LOC128092253: variants seen among roughly 807,000 people sequenced by gnomAD.
At chr6:133,974,795 A>G in the LOC128092253 span, among the ~76,000 whole-genome samples, 1 of 152,244 alleles carries the variant, frequency 6.6e-6, no homozygotes. Context: ...ATATTTGCCA[A>G]TATAAGTAAG....
chr6:133,954,364 A>T, the LOC128092253 span, among the ~76,000 whole-genome samples: 1 of 152,022 alleles, frequency 6.6e-6, no homozygotes, highest in African/African-American at 2.4e-5. Flanking sequence ...CTGGGAAAAT[A>T]TAAAAAGAGA....
the LOC128092253 span, among the ~76,000 whole-genome samples, chr6:133,971,678 T>C: frequency 1.3e-5 from 2 of 152,186 alleles, no homozygotes; most frequent in African/African-American, 4.8e-5. Flanking sequence ...ATTTTCCTTA[T>C]GATACGTGAT....
At chr6:133,957,280 G>A in the LOC128092253 span, among the ~76,000 whole-genome samples, 1 of 152,196 alleles carries the variant, frequency 6.6e-6, no homozygotes, top group Non-Finnish European at 1.5e-5. Flanking sequence ...CAGAAGTTTG[G>A]CTGTTGGTTA....
At chr6:133,980,076 T>G in the LOC128092253 span, 3 of 1,403,858 alleles carry the variant, frequency 2.1e-6, no homozygotes, top group Non-Finnish European at 2.8e-6. Flanking sequence ...TTGTTTTATT[T>G]CTCAGGATGT....
At chr6:133,964,331 A>G in the LOC128092253 span, among the ~76,000 whole-genome samples, 4 of 152,138 alleles carry the variant, frequency 2.6e-5, no homozygotes, top group African/African-American at 4.8e-5. Flanking sequence ...TGGTGCTTAC[A>G]TGTGGAAAGA....
the LOC128092253 span, among the ~76,000 whole-genome samples, chr6:133,966,960 T>G: frequency 0.42 from 63,583 of 152,108 alleles, 15,273 homozygotes; most frequent in Non-Finnish European, 0.57. Context: ...AGTTCTTGCT[T>G]CTTTTTTAGC....
At chr6:133,960,193 G>A in the LOC128092253 span, among the ~76,000 whole-genome samples, 1 of 152,154 alleles carries the variant, frequency 6.6e-6, no homozygotes, top group African/African-American at 2.4e-5. Flanking sequence ...TGGTTGCAGG[G>A]ATCACAGACA....
the LOC128092253 span, among the ~76,000 whole-genome samples, chr6:133,954,666 A>G: frequency 1.3e-5 from 2 of 152,232 alleles, no homozygotes; most frequent in African/African-American, 4.8e-5. Flanking sequence ...AAGATTAAAG[A>G]TGAAAATAAA....
At chr6:133,971,879 T>C in the LOC128092253 span, among the ~76,000 whole-genome samples, 1 of 152,200 alleles carries the variant, frequency 6.6e-6, no homozygotes, top group African/African-American at 2.4e-5. Flanking sequence ...GTTCTGTGGG[T>C]TGGCTTTTCA....
chr6:133,968,264 T>C, the LOC128092253 span, among the ~76,000 whole-genome samples: 5 of 152,172 alleles, frequency 3.3e-5, no homozygotes, highest in African/African-American at 9.7e-5. Context: ...ATTTCTTATA[T>C]AATCAGAAAA....
the LOC128092253 span, among the ~76,000 whole-genome samples, chr6:133,955,898 A>G: frequency 6.6e-6 from 1 of 152,238 alleles, no homozygotes; most frequent in Non-Finnish European, 1.5e-5. Context: ...GAAAATTGTC[A>G]CATCAGCATT....
chr6:133,956,806 GAT>G, the LOC128092253 span, among the ~76,000 whole-genome samples: 2 of 152,168 alleles, frequency 1.3e-5, no homozygotes, highest in African/African-American at 2.4e-5. Context: ...AAACAATAAA[GAT>G]AATGGTGGAC....
the LOC128092253 span, among the ~76,000 whole-genome samples, chr6:133,977,214 A>G: frequency 6.6e-6 from 1 of 152,236 alleles, no homozygotes; most frequent in East Asian, 1.9e-4. Context: ...GACTTTTTAT[A>G]TTGCATCTTT....
the LOC128092253 span, among the ~76,000 whole-genome samples, chr6:133,969,619 G>T: frequency 3.3e-5 from 5 of 152,018 alleles, no homozygotes; most frequent in African/African-American, 1.2e-4. Flanking sequence ...GTTTTTTATG[G>T]CCAGGCAAAC....
chr6:133,978,692 A>T, the LOC128092253 span, among the ~76,000 whole-genome samples: 83 of 152,200 alleles, frequency 5.5e-4, no homozygotes, highest in Admixed American at 1.1e-3. Flanking sequence ...CAATTGATAC[A>T]CAGAATTGAA....
the LOC128092253 span, among the ~76,000 whole-genome samples, chr6:133,962,763 G>A: frequency 1.3e-5 from 2 of 152,104 alleles, no homozygotes; most frequent in Admixed American, 6.6e-5. Context: ...AAACCTATTG[G>A]TAATATGAAA....
At chr6:133,975,101 T>C in the LOC128092253 span, among the ~76,000 whole-genome samples, 1 of 152,028 alleles carries the variant, frequency 6.6e-6, no homozygotes, top group Non-Finnish European at 1.5e-5. Flanking sequence ...ACAATGGACA[T>C]GGGCAAAAAA....
the LOC128092253 span, among the ~76,000 whole-genome samples, chr6:133,966,287 A>G: frequency 5.9e-5 from 9 of 152,182 alleles, no homozygotes; most frequent in Non-Finnish European, 1.5e-5. Flanking sequence ...TTGTCTACCA[A>G]GGAGACTATA....
the LOC128092253 span, among the ~76,000 whole-genome samples, chr6:133,979,480 G>A: frequency 1.3e-5 from 2 of 152,148 alleles, no homozygotes; most frequent in Non-Finnish European, 2.9e-5. Flanking sequence ...CACCTGGAAC[G>A]TAGTGTTTGT....
Sources: allele counts gnomAD v4.1 joint callset (sites outside exome capture counted in the v4.1 genomes callset), GRCh38; gene constraint gnomAD v4.1.1; transcripts MANE v1.5.